FAM184A: variants seen among roughly 807,000 people sequenced by gnomAD.
The protein encoded by FAM184A is family with sequence similarity 184 member A.
FAM184A carries 99 observed loss-of-function variants against 143.8 expected under a neutral mutation model. The observed-to-expected ratio is 0.69, with a 90% CI of 0.58 to 0.81. FAM184A has a LOEUF of 0.81. FAM184A is among the 40% of genes least tolerant of loss of function. The pLI, the probability that FAM184A is intolerant of heterozygous loss-of-function variation, is 0.00. For synonymous variants in FAM184A, 427 were observed against 446.4 expected, an observed-to-expected ratio of 0.96 and a Z score of 0.55; for missense variants, 1,217 against 1,310.5, an observed-to-expected ratio of 0.93 and a Z score of 1.10.
At chr6:119,141,226 C>A (rs957922067) in intron 1 of FAM184A, among the ~76,000 whole-genome samples, 4 of 152,350 alleles carry the variant, frequency 2.6e-5, no homozygotes, top group African/African-American at 9.6e-5. Context: ...GGTTTAGCAA[C>A]CTGCCTAGTC....
At chr6:118,994,234 A>G (rs1232172688) in intron 9 of FAM184A, among the ~76,000 whole-genome samples, 1 of 152,248 alleles carries the variant, frequency 6.6e-6, no homozygotes, top group Non-Finnish European at 1.5e-5. Flanking sequence ...AAGGCCTAGC[A>G]TATCAGAGGC....
rs79426706 is a variant in FAM184A at position 119,004,672 on chromosome 6, A to C, written c.1816-1050T>G. ...ACCAAAAAAACACTTGGTCTTAAGG[A>C]GCTTACGCAGAGTTGTGGTAAACCA... On this transcript the variant is annotated intron_variant, in intron 7 of 17. Coordinates refer to ENST00000338891, the MANE Select transcript of FAM184A (RefSeq NM_024581.6). Among the ~76,000 whole-genome samples, 8 of 152,328 alleles carry C rather than the reference A, an allele frequency of 5.3e-5. No homozygotes were observed. The East Asian group carries it at 1.3e-3, about 26-fold the overall frequency.
chr6:118,963,082 C>G (rs1000760163), intron 16 of FAM184A: 2 of 151,930 alleles, frequency 1.3e-5, no homozygotes, highest in Non-Finnish European at 2.9e-5. Context: ...ATAATAATAC[C>G]TTCCTCAGAA....
chr6:119,092,610 G>C (rs1788400198), intron 1 of FAM184A, among the ~76,000 whole-genome samples: 1 of 152,122 alleles, frequency 6.6e-6, no homozygotes, highest in Admixed American at 6.5e-5. Context: ...TGTCACCTCA[G>C]ATCCTGTATC....
chr6:118,978,656 G>C (rs574908547), intron 11 of FAM184A, among the ~76,000 whole-genome samples: 3 of 152,268 alleles, frequency 2.0e-5, no homozygotes, highest in Non-Finnish European at 2.9e-5. Flanking sequence ...CTTTCCCTTT[G>C]AGGCCCAAAA....
intron 1 of FAM184A, among the ~76,000 whole-genome samples, chr6:119,093,138 C>A (rs1246188525): frequency 6.6e-6 from 1 of 152,152 alleles, no homozygotes; most frequent in Non-Finnish European, 1.5e-5. Flanking sequence ...TTCATAGAGG[C>A]CACTGCCACT....
intron 1 of FAM184A, among the ~76,000 whole-genome samples, chr6:119,097,817 C>G (rs369520305): frequency 6.6e-6 from 1 of 152,230 alleles, no homozygotes. Context: ...TTTTTCTCCT[C>G]GAGGCAGGCC....
At chr6:119,106,393 A>AAAAC (rs930746752) in intron 1 of FAM184A, among the ~76,000 whole-genome samples, 12 of 152,330 alleles carry the variant, frequency 7.9e-5, no homozygotes, top group South Asian at 2.1e-4. Context: ...ACTCCGTCTC[A>AAAAC]AAACAAACAA....
intron 1 of FAM184A, among the ~76,000 whole-genome samples, chr6:119,075,687 A>AC (rs1477659891): frequency 6.6e-6 from 1 of 152,224 alleles, no homozygotes; most frequent in African/African-American, 2.4e-5. Context: ...TTCCAACCAT[A>AC]GTTGGAACAC....
chr6:119,005,152 G>A (rs1784882062), intron 7 of FAM184A: 1 of 151,990 alleles, frequency 6.6e-6, no homozygotes, highest in African/African-American at 2.4e-5. Context: ...CGAGATTATA[G>A]TCAATATATT....
chr6:118,990,982 C>G (rs1165237156), intron 9 of FAM184A, among the ~76,000 whole-genome samples: 1 of 151,744 alleles, frequency 6.6e-6, no homozygotes, highest in African/African-American at 2.4e-5. Context: ...TAAGATGTAT[C>G]AACTTATTCA....
chr6:119,130,076 G>C (rs1448486927), intron 1 of FAM184A, among the ~76,000 whole-genome samples: 2 of 152,114 alleles, frequency 1.3e-5, no homozygotes, highest in Admixed American at 1.3e-4. Context: ...GAAATACTTG[G>C]AGATTGTCAA....
chr6:118,982,070 A>AT (rs748678837), intron 9 of FAM184A, among the ~76,000 whole-genome samples: 43 of 152,238 alleles, frequency 2.8e-4, no homozygotes, highest in Non-Finnish European at 5.3e-4. Context: ...TGATATGCGC[A>AT]TAAGAATCTC....
At chr6:119,068,941 A>G in intron 1 of FAM184A, 1 of 242,484 alleles carries the variant, frequency 4.1e-6, no homozygotes, top group South Asian at 4.4e-5. Flanking sequence ...ATGATTACAC[A>G]TCTAAAATTT....
Position 118,974,460 on chromosome 6 carries a change from T to C in FAM184A, c.2883A>G (p.Leu961=). ...MRADFNKTNE[L]LKEINAALQV... is the part of the protein sequence containing the mutation. ...GTAAAGCGGCATTTATTTCCTTGAG[T>C]AGCTCGTTAGTCTTATTAAAATCTG... Residue 961 remains leucine (L), a synonymous_variant, in exon 14 of 18, where the codon CTA becomes CTG. Transcript: ENST00000338891. 1 of 1,611,700 alleles carries C rather than the reference T, an allele frequency of 6.2e-7. No homozygotes were observed.
intron 1 of FAM184A, chr6:119,025,702 G>T: frequency 2.0e-6 from 1 of 487,876 alleles, no homozygotes; most frequent in Non-Finnish European, 4.0e-6. Context: ...TTTCATGACT[G>T]TTATTTAAGG....
chr6:119,000,597 C>T (rs1299309562), intron 9 of FAM184A, among the ~76,000 whole-genome samples: 1 of 152,140 alleles, frequency 6.6e-6, no homozygotes, highest in Non-Finnish European at 1.5e-5. Context: ...ATTTAACTCT[C>T]AAGAGATTCA....
chr6:119,012,349 T>G (rs74556575), intron 5 of FAM184A, among the ~76,000 whole-genome samples: 1 of 152,172 alleles, frequency 6.6e-6, no homozygotes, highest in Non-Finnish European at 1.5e-5. Flanking sequence ...GTCACACTCA[T>G]GGCTGTGATT....
chr6:119,088,453 T>C (rs765300737), intron 1 of FAM184A, among the ~76,000 whole-genome samples: 2 of 152,156 alleles, frequency 1.3e-5, no homozygotes, highest in African/African-American at 2.4e-5. Flanking sequence ...AAATATAAGA[T>C]TTGAAAGAAA....
Sources: gnomAD v4.1 joint callset for allele counts (sites outside exome capture counted in the v4.1 genomes callset) on GRCh38, gnomAD v4.1.1 for gene constraint, MANE v1.5 for transcripts, NCBI Gene and HGNC (gene_info 2026-07-23, HGNC 2026-07-21) for gene names.